The following GRID2 variants were observed in gnomAD, a reference collection of about 807,000 sequenced individuals.
The protein encoded by GRID2 is glutamate receptor ionotropic, delta-2.
A neutral mutation model predicts 114.8 loss-of-function variants in GRID2; 33 were observed. The observed-to-expected ratio is 0.29, with a 90% confidence interval of 0.22 to 0.38. GRID2 has a LOEUF of 0.38. Ranked by LOEUF, GRID2 falls within the 10% of genes least tolerant of loss-of-function variation. The probability of loss-of-function intolerance (pLI) is 1.00; values close to 1 mark genes in which losing one functional copy is unlikely to be tolerated. For synonymous variants in GRID2, 505 were observed against 449.9 expected, an observed-to-expected ratio of 1.12 and a Z score of -1.55; for missense variants, 1,184 against 1,257.7, an observed-to-expected ratio of 0.94 and a Z score of 0.89.
chr4:92,977,886 G>A (rs1214506592), intron 2 of GRID2, among the ~76,000 whole-genome samples: 2 of 152,086 alleles, frequency 1.3e-5, no homozygotes, highest in African/African-American at 2.4e-5. Context: ...AACAGAAATG[G>A]GAGAGTTATT....
In GRID2 at chr4:93,591,106, G is replaced by A. The variant is rs576343104; in HGVS notation, c.2194-35163G>A. The stretch of plus-strand genomic sequence containing the variant: ...TCCAACACTATGTTGAATAGGAGTG[G>A]TGAGAGAGGGCATCCCTGTCTTGTG... On this transcript the variant is annotated intron_variant, in intron 13 of 15. Transcript: ENST00000282020. Among the ~76,000 whole-genome samples the A allele has an allele frequency of 7.6e-3, 1,092 of 144,424 alleles. 10 individuals carry two copies. The highest frequency in any genetic ancestry group is 0.026 in the African/African-American group (1,010 of 39,194). The allele number at this position is 144,424 out of a possible 152,430, so 94.7% of individuals were successfully genotyped here. A position where few individuals can be genotyped will look rare whatever the true frequency, so the allele number is the denominator to read the frequency against.
At chr4:92,357,175 A>T (rs1728369225) in intron 1 of GRID2, among the ~76,000 whole-genome samples, 1 of 151,858 alleles carries the variant, frequency 6.6e-6, no homozygotes, top group South Asian at 2.1e-4. Context: ...CTAAATTTTA[A>T]ATGAATTATA....
At chr4:92,374,252 C>T (rs1729251703) in intron 1 of GRID2, among the ~76,000 whole-genome samples, 1 of 152,134 alleles carries the variant, frequency 6.6e-6, no homozygotes, top group Admixed American at 6.6e-5. Context: ...TAAAGGCTTT[C>T]CCTGCAAAGA....
chr4:93,235,408 G>GCACAAAAATAATGACCATTCATT (rs1330061192), intron 7 of GRID2, among the ~76,000 whole-genome samples: 1 of 151,988 alleles, frequency 6.6e-6, no homozygotes, highest in Non-Finnish European at 1.5e-5. Context: ...CACCATGCAT[G>GCACAAAAATAATGACCATTCATT]CACAAAAATA....
intron 2 of GRID2, among the ~76,000 whole-genome samples, chr4:92,728,354 T>C (rs965608676): frequency 6.6e-6 from 1 of 152,106 alleles, no homozygotes; most frequent in African/African-American, 2.4e-5. Flanking sequence ...GTAAGTCTGA[T>C]TCAAAGTCTT....
chr4:93,074,239 A>G lies in GRID2; in HGVS notation c.245-10756A>G, dbSNP rs137962817. On this transcript the variant is annotated intron_variant, in intron 2 of 15. Transcript: ENST00000282020. ...TACAGCCATACACCAACAGCCTGGT[A>G]GGAGGAGAGTCTGTATCAATATATT... is the stretch of plus-strand genomic sequence containing the variant. Among the ~76,000 whole-genome samples, 563 of 152,292 alleles carry G rather than the reference A, an allele frequency of 3.7e-3. 1 individual carries two copies. Among genetic ancestry groups the G allele is most frequent in the African/African-American group, 0.012 (491 of 41,566 alleles).
At chr4:92,851,376 A>G (rs996246325) in intron 2 of GRID2, among the ~76,000 whole-genome samples, 2 of 151,948 alleles carry the variant, frequency 1.3e-5, no homozygotes, top group African/African-American at 4.8e-5. Flanking sequence ...GCAAAGGCAA[A>G]TACAGCTCAT....
At chr4:93,414,525 G>T (rs898833669) in intron 9 of GRID2, among the ~76,000 whole-genome samples, 3 of 152,000 alleles carry the variant, frequency 2.0e-5, no homozygotes, top group African/African-American at 7.2e-5. Flanking sequence ...ACAAGTCAGA[G>T]ACTCTTAACT....
chr4:92,777,756 T>C (rs545438072), intron 2 of GRID2, among the ~76,000 whole-genome samples: 2 of 145,486 alleles, frequency 1.4e-5, no homozygotes, highest in Admixed American at 6.9e-5. Flanking sequence ...AAAAAAGCCA[T>C]GTGAGGACAC....
At chr4:93,031,351 C>A (rs1325431054) in intron 2 of GRID2, among the ~76,000 whole-genome samples, 4 of 152,050 alleles carry the variant, frequency 2.6e-5, no homozygotes, top group Admixed American at 6.6e-5. Context: ...GCCGTATCAT[C>A]CACTCTCCTA....
At chr4:93,122,064 C>T (rs561263834) in intron 4 of GRID2, among the ~76,000 whole-genome samples, 29 of 152,208 alleles carry the variant, frequency 1.9e-4, no homozygotes, top group Admixed American at 3.3e-4. Flanking sequence ...TGTCTTTTCA[C>T]CCTGTAAATA....
rs2870639 is a variant in GRID2 at position 92,590,330 on chromosome 4, G to A, written c.244+44G>A. On this transcript the variant is annotated intron_variant, in intron 2 of 15. Transcript: ENST00000282020. ...ATTTTGGTTTTTTGGTTCAATTCAAGTGGCAATGAAATTATCTTTGATGAA... is the reference window on the plus strand; with the variant it reads ...ATTTTGGTTTTTTGGTTCAATTCAAATGGCAATGAAATTATCTTTGATGAA... 525,340 of 1,411,106 alleles carry A rather than the reference G, an allele frequency of 0.37. 98,361 individuals carry two copies. The highest frequency in any genetic ancestry group is 0.45 in the Middle Eastern group (2,459 of 5,520). The allele number at this position is 1,411,106 out of a possible 1,614,324, so 87.4% of individuals were successfully genotyped here.
intron 14 of GRID2, among the ~76,000 whole-genome samples, chr4:93,672,719 C>T (rs1331794200): frequency 6.6e-6 from 1 of 152,178 alleles, no homozygotes; most frequent in Non-Finnish European, 1.5e-5. Context: ...GATTATGCCA[C>T]CTGCTTTGTT....
intron 2 of GRID2, among the ~76,000 whole-genome samples, chr4:92,795,204 C>T (rs926197964): frequency 6.6e-6 from 1 of 151,604 alleles, no homozygotes; most frequent in Non-Finnish European, 1.5e-5. Flanking sequence ...AATCTCAACT[C>T]GAATTATATC....
intron 2 of GRID2, among the ~76,000 whole-genome samples, chr4:92,652,823 A>AT (rs1172058530): frequency 7.2e-6 from 1 of 139,250 alleles, no homozygotes; most frequent in African/African-American, 2.6e-5. Context: ...ATATATATAT[A>AT]AATATATATA....
chr4:92,778,620 A>G (rs929153009), intron 2 of GRID2, among the ~76,000 whole-genome samples: 1 of 152,124 alleles, frequency 6.6e-6, no homozygotes, highest in African/African-American at 2.4e-5. Flanking sequence ...GTAACAGATT[A>G]CTTATATAAG....
intron 7 of GRID2, among the ~76,000 whole-genome samples, chr4:93,236,199 C>A (rs1231054879): frequency 3.3e-5 from 5 of 151,956 alleles, no homozygotes; most frequent in African/African-American, 1.2e-4. Context: ...TTACTTCAGT[C>A]TTTAAAATAT....
chr4:93,445,016 A>G (rs1295241145), intron 10 of GRID2, among the ~76,000 whole-genome samples: 1 of 152,034 alleles, frequency 6.6e-6, no homozygotes. Flanking sequence ...TGAATTTCCC[A>G]GTTTCTCTCC....
chr4:92,439,747 C>T (rs12621086), intron 1 of GRID2, among the ~76,000 whole-genome samples: 15 of 145,906 alleles, frequency 1.0e-4, no homozygotes, highest in African/African-American at 3.2e-4. Flanking sequence ...TGACTCAGGA[C>T]ATCTGATGAG....
Sources: gnomAD v4.1 joint callset for allele counts (sites outside exome capture counted in the v4.1 genomes callset) on GRCh38, gnomAD v4.1.1 for gene constraint, MANE v1.5 for transcripts, NCBI Gene and HGNC (gene_info 2026-07-23, HGNC 2026-07-21) for gene names.